Variants in LRMDA observed in about 807,000 individuals in gnomAD.
The protein encoded by LRMDA is leucine rich melanocyte differentiation associated, also known as leucine-rich melanocyte differentiation-associated protein.
In LRMDA, 18 loss-of-function variants were observed where a neutral mutation model predicts 29.8. The observed-to-expected ratio is 0.60, with a 90% CI of 0.42 to 0.90. The LOEUF is 0.90. LRMDA is among the 40% of genes least tolerant of loss of function. LRMDA has a pLI of 0.00. For missense variants in LRMDA, 273 were observed against 273.9 expected (o/e 1.00, Z 0.02); for synonymous variants, 125 against 109.4 (o/e 1.14, Z -0.89).
chr10:75,773,185 A>G (rs1038747946), intron 2 of LRMDA, among the ~76,000 whole-genome samples: 1 of 152,180 alleles, frequency 6.6e-6, no homozygotes, highest in Admixed American at 6.5e-5. Flanking sequence ...GGTACCAGTA[A>G]CACATCCTTT....
intron 2 of LRMDA, among the ~76,000 whole-genome samples, chr10:75,966,479 G>C (rs1178584622): frequency 1.3e-5 from 2 of 152,170 alleles, no homozygotes; most frequent in African/African-American, 2.4e-5. Flanking sequence ...TCTGCTCCTT[G>C]GTCCTCTATC....
chr10:76,477,475 C>T (rs952809035), intron 6 of LRMDA, among the ~76,000 whole-genome samples: 4 of 151,878 alleles, frequency 2.6e-5, no homozygotes, highest in African/African-American at 7.3e-5. Flanking sequence ...GGCCATACTG[C>T]CCAAGGTAAT....
chr10:75,796,259 A>G (rs191744904), intron 2 of LRMDA, among the ~76,000 whole-genome samples: 5 of 152,314 alleles, frequency 3.3e-5, no homozygotes, highest in Admixed American at 3.3e-4. Context: ...TCTTTGCCTC[A>G]TTCTTAGTAT....
At chr10:76,235,946 A>C (rs184034397) in intron 5 of LRMDA, among the ~76,000 whole-genome samples, 10 of 152,326 alleles carry the variant, frequency 6.6e-5, no homozygotes, top group Admixed American at 4.6e-4. Context: ...TCCTCAGAGT[A>C]ACCAGCTCGA....
At chr10:75,877,180 C>T (rs1188780297) in intron 2 of LRMDA, among the ~76,000 whole-genome samples, 1 of 152,222 alleles carries the variant, frequency 6.6e-6, no homozygotes, top group Non-Finnish European at 1.5e-5. Flanking sequence ...TTTCATGATG[C>T]ATGACCAGGA....
At chr10:75,581,792 G>A (rs146886704) in intron 2 of LRMDA, among the ~76,000 whole-genome samples, 2,097 of 152,190 alleles carry the variant, frequency 0.014, 39 homozygotes, top group African/African-American at 0.045. Context: ...TAGGGGGTGG[G>A]GGGCTAGGGG....
At chr10:75,796,084 G>A (rs1196630072) in intron 2 of LRMDA, among the ~76,000 whole-genome samples, 1 of 152,048 alleles carries the variant, frequency 6.6e-6, no homozygotes, top group Non-Finnish European at 1.5e-5. Context: ...ACTACTTCTA[G>A]TATTTGGTTT....
intron 2 of LRMDA, among the ~76,000 whole-genome samples, chr10:75,473,918 T>A (rs1285823396): frequency 1.3e-5 from 2 of 152,146 alleles, no homozygotes; most frequent in African/African-American, 2.4e-5. Context: ...AAATAAAACA[T>A]CTTAGGCTCT....
intron 2 of LRMDA, among the ~76,000 whole-genome samples, chr10:75,720,118 A>G (rs1842548214): frequency 6.6e-6 from 1 of 152,254 alleles, no homozygotes; most frequent in Admixed American, 6.5e-5. Context: ...TTGTTTTCCT[A>G]AATTTGCAGT....
At chr10:75,696,204 A>G (rs1842231957) in intron 2 of LRMDA, among the ~76,000 whole-genome samples, 1 of 152,250 alleles carries the variant, frequency 6.6e-6, no homozygotes, top group Non-Finnish European at 1.5e-5. Context: ...CCCAAATCTC[A>G]AAGGAATAAA....
chr10:76,269,378 C>A (rs1840041045), intron 5 of LRMDA, among the ~76,000 whole-genome samples: 1 of 152,118 alleles, frequency 6.6e-6, no homozygotes, highest in African/African-American at 2.4e-5. Context: ...TTTGCTTTCT[C>A]CAAAATTATT....
Position 75,919,953 on chromosome 10 carries a change from C to T in LRMDA, c.132-116055C>T, listed in dbSNP as rs910282863. Among the ~76,000 whole-genome samples, 5 of 152,128 alleles carry T rather than the reference C, an allele frequency of 3.3e-5. No individual in the cohort carries two copies. In the East Asian group the frequency reaches 9.7e-4, roughly 29 times the overall value. On this transcript the variant is annotated intron_variant, in intron 2 of 6. Coordinates refer to ENST00000611255, the MANE Select transcript of LRMDA (RefSeq NM_001305581.2). ...TTGTCCCTGAGTTATTAATAATTATCTCTCTCTCCTCTCTACTCTTTCTTT... is the reference window on the plus strand; with the variant it reads ...TTGTCCCTGAGTTATTAATAATTATTTCTCTCTCCTCTCTACTCTTTCTTT...
At chr10:76,428,106 A>T (rs956882553) in intron 6 of LRMDA, among the ~76,000 whole-genome samples, 2 of 151,966 alleles carry the variant, frequency 1.3e-5, no homozygotes, top group African/African-American at 2.4e-5. Flanking sequence ...GGACAACCTT[A>T]ATTTCTTATT....
At chr10:76,460,705 G>T (rs562241066) in intron 6 of LRMDA, among the ~76,000 whole-genome samples, 1 of 152,262 alleles carries the variant, frequency 6.6e-6, no homozygotes, top group East Asian at 1.9e-4. Flanking sequence ...AACGTAGAAG[G>T]GTGGATGGGA....
intron 6 of LRMDA, among the ~76,000 whole-genome samples, chr10:76,404,554 G>C (rs574706464): frequency 6.6e-6 from 1 of 151,974 alleles, no homozygotes; most frequent in East Asian, 1.9e-4. Context: ...ACACTGGCTC[G>C]CTAGCTGTTC....
At chr10:75,851,310 C>G (rs1844728984) in intron 2 of LRMDA, among the ~76,000 whole-genome samples, 1 of 152,314 alleles carries the variant, frequency 6.6e-6, no homozygotes, top group Middle Eastern at 3.4e-3. Flanking sequence ...CTCTGTGATG[C>G]TGGGCTACTC....
At chr10:75,840,145 G>A (rs766244797) in intron 2 of LRMDA, among the ~76,000 whole-genome samples, 19 of 151,812 alleles carry the variant, frequency 1.3e-4, no homozygotes, top group Admixed American at 4.6e-4. Context: ...CCTTCTCTTC[G>A]TTTTTACTTC....
chr10:75,693,317 C>G (rs754848861), intron 2 of LRMDA, among the ~76,000 whole-genome samples: 1 of 152,150 alleles, frequency 6.6e-6, no homozygotes, highest in African/African-American at 2.4e-5. Flanking sequence ...CAGAGAACCA[C>G]AATGTAGCTA....
intron 6 of LRMDA, among the ~76,000 whole-genome samples, chr10:76,368,666 G>A (rs1479094233): frequency 6.6e-6 from 1 of 152,166 alleles, no homozygotes; most frequent in Non-Finnish European, 1.5e-5. Flanking sequence ...TTGACTTTCT[G>A]TCTTGATGAC....
Sources: gnomAD v4.1 joint callset for allele counts (sites outside exome capture counted in the v4.1 genomes callset) on GRCh38, gnomAD v4.1.1 for gene constraint, MANE v1.5 for transcripts, NCBI Gene and HGNC (gene_info 2026-07-23, HGNC 2026-07-21) for gene names.